Variants in LPP observed in about 807,000 individuals in gnomAD.
LPP encodes the protein lipoma-preferred partner.
Under a neutral mutation model 60.4 loss-of-function variants are expected in LPP, and 38 were observed. The observed-to-expected ratio is 0.63, with a 90% CI of 0.49 to 0.83. The LOEUF (loss-of-function observed/expected upper bound fraction) is 0.83. Among genes scored for constraint, LPP ranks in the 40% least tolerant of loss-of-function variants. The pLI is 0.00. For missense variants in LPP, 902 were observed against 783.6 expected, an observed-to-expected ratio of 1.15 and a Z score of -1.80; for synonymous variants, 328 against 290.8, an observed-to-expected ratio of 1.13 and a Z score of -1.30.
intron 1 of LPP, among the ~76,000 whole-genome samples, chr3:188,204,361 T>A (rs1732554901): frequency 6.6e-6 from 1 of 152,064 alleles, no homozygotes; most frequent in South Asian, 2.1e-4. Context: ...AGGAGTCAAC[T>A]GGGAAAATCT....
Position 188,193,989 on chromosome 3 carries a change from T to C in LPP, c.-189-31416T>C, listed in dbSNP as rs1182663356. Among the ~76,000 whole-genome samples the C allele has an allele frequency of 3.3e-5, 5 of 152,326 alleles. No homozygotes were observed. The East Asian group carries it at 9.6e-4, about 29-fold the overall frequency. The stretch of plus-strand genomic sequence containing the variant: ...TTAAGGCTCAGCTCTGCCACTGACA[T>C]GCTGTGTTACATGGGCAAGTCCCCA... On this transcript the variant is annotated intron_variant, in intron 1 of 11. Coordinates refer to ENST00000617246, the MANE Select transcript of LPP (RefSeq NM_001375462.1).
chr3:188,546,690 A>G (rs1164293641), intron 6 of LPP, among the ~76,000 whole-genome samples: 3 of 152,302 alleles, frequency 2.0e-5, no homozygotes, highest in Non-Finnish European at 2.9e-5. Flanking sequence ...AGGGGCATCT[A>G]TTCTCGTTCC....
At chr3:188,637,585 T>C (rs1560683703) in intron 7 of LPP, among the ~76,000 whole-genome samples, 1 of 151,274 alleles carries the variant, frequency 6.6e-6, no homozygotes, top group Non-Finnish European at 1.5e-5. Context: ...GCTGGTTTTT[T>C]GAAAGGATCA....
At chr3:188,795,026 T>A (rs1744924759) in intron 9 of LPP, among the ~76,000 whole-genome samples, 1 of 152,066 alleles carries the variant, frequency 6.6e-6, no homozygotes, top group African/African-American at 2.4e-5. Flanking sequence ...TCCCAGCTAC[T>A]CAGGAGGCTG....
intron 7 of LPP, among the ~76,000 whole-genome samples, chr3:188,651,670 G>T (rs1373203015): frequency 6.6e-6 from 1 of 152,154 alleles, no homozygotes; most frequent in Admixed American, 6.5e-5. Flanking sequence ...CAAGAGAAGA[G>T]AGCTTGTGCA....
chr3:188,574,822 T>C (rs2150896411), intron 6 of LPP, among the ~76,000 whole-genome samples: 1 of 152,138 alleles, frequency 6.6e-6, no homozygotes, highest in South Asian at 2.1e-4. Flanking sequence ...ATAAAGACAA[T>C]AAAAGTGATA....
intron 4 of LPP, among the ~76,000 whole-genome samples, chr3:188,444,993 G>T (rs1326122102): frequency 6.6e-6 from 1 of 152,228 alleles, no homozygotes; most frequent in Non-Finnish European, 1.5e-5. Context: ...AACAACAGAT[G>T]CTGGAGAGGA....
At chr3:188,555,126 CAG>C (rs1156843873) in intron 6 of LPP, among the ~76,000 whole-genome samples, 1 of 151,994 alleles carries the variant, frequency 6.6e-6, no homozygotes, top group Non-Finnish European at 1.5e-5. Flanking sequence ...ATGTTATAGA[CAG>C]AGGGAAGCAC....
Position 188,708,399 on chromosome 3 carries a change from T to G in LPP, c.1240+6T>G. ...ACCTGCTGACGAATACTTTGGTGAGTGGGGCCTAGAGCTGACTTCTGAAGT... is the reference window on the plus strand; with the variant it reads ...ACCTGCTGACGAATACTTTGGTGAGGGGGGCCTAGAGCTGACTTCTGAAGT... On this transcript the variant is annotated splice_donor_region_variant and intron_variant, in intron 8 of 11. Coordinates refer to ENST00000617246, the MANE Select transcript of LPP (RefSeq NM_001375462.1). The G allele has an allele frequency of 6.2e-7, 1 of 1,614,162 alleles. No individual in the cohort carries two copies. The highest frequency in any genetic ancestry group is 2.2e-5 in the East Asian group (1 of 44,882).
rs1216304166 is a variant in LPP, at chr3:188,570,779, A to G, written c.430-38382A>G. On this transcript the variant is annotated intron_variant, in intron 6 of 11. Coordinates refer to ENST00000617246, the MANE Select transcript of LPP (RefSeq NM_001375462.1). ...TCAACAGGAAAGCAATAGATCTAGT[A>G]GACGACATTGTATGGTGGGTGAAAG... Among the ~76,000 whole-genome samples, 8 of 152,074 alleles carry G rather than the reference A, an allele frequency of 5.3e-5. No homozygotes were observed. In the East Asian group the frequency reaches 1.6e-3, roughly 30 times the overall value.
intron 3 of LPP, among the ~76,000 whole-genome samples, chr3:188,389,718 G>A (rs1334317027): frequency 1.5e-5 from 2 of 135,098 alleles, no homozygotes; most frequent in Non-Finnish European, 3.1e-5. Flanking sequence ...AGAGGTTGCA[G>A]TGAGCCAAGA....
chr3:188,714,166 T>A (rs9815758), intron 8 of LPP, among the ~76,000 whole-genome samples: 2 of 152,050 alleles, frequency 1.3e-5, no homozygotes, highest in African/African-American at 4.8e-5. Context: ...ACTCTTCTGA[T>A]CTCATGTCTA....
rs1363019811 is a variant in LPP, at chr3:188,880,563, T to C, written c.*6084T>C. 1 of 188,384 alleles carries C rather than the reference T, an allele frequency of 5.3e-6. No homozygotes were observed. Among genetic ancestry groups the C allele is most frequent in the East Asian group, 8.5e-5 (1 of 11,804 alleles). 11.7% of individuals were successfully genotyped at this position (188,384 alleles called of 1,614,324 possible). ...ATTCCTTTATAATACTTTCAGATGA[T>C]TGCATTAAGCCTTTCATGTTATGTG... On this transcript the variant is annotated 3_prime_UTR_variant, in exon 12 of 12. Transcript: ENST00000617246.
chr3:188,602,891 C>A (rs1185835680), intron 6 of LPP, among the ~76,000 whole-genome samples: 1 of 151,842 alleles, frequency 6.6e-6, no homozygotes, highest in South Asian at 2.1e-4. Flanking sequence ...CAGTGCACAA[C>A]TCTTCAATTG....
At chr3:188,583,845 G>T (rs1021041619) in intron 6 of LPP, among the ~76,000 whole-genome samples, 1 of 152,132 alleles carries the variant, frequency 6.6e-6, no homozygotes, top group Non-Finnish European at 1.5e-5. Context: ...GAACCAGACT[G>T]CTTCTAGAGA....
At chr3:188,584,604 A>G (rs530562521) in intron 6 of LPP, 106 of 149,772 alleles carry the variant, frequency 7.1e-4, no homozygotes, top group African/African-American at 2.6e-3. Context: ...ACTTAATACA[A>G]TCTCAAGCCA....
At chr3:188,607,456 C>T (rs1467234801) in intron 6 of LPP, among the ~76,000 whole-genome samples, 7 of 143,396 alleles carry the variant, frequency 4.9e-5, no homozygotes, top group Non-Finnish European at 7.5e-5. Context: ...CCTTACATCA[C>T]GGGAGCTGGA....
intron 2 of LPP, among the ~76,000 whole-genome samples, chr3:188,238,704 T>G (rs1722769036): frequency 6.6e-6 from 1 of 152,262 alleles, no homozygotes; most frequent in Admixed American, 6.5e-5. Context: ...CCAAAATAAT[T>G]ATGATAGTCA....
intron 9 of LPP, among the ~76,000 whole-genome samples, chr3:188,856,280 G>A (rs573854467): frequency 5.3e-4 from 81 of 152,206 alleles, no homozygotes; most frequent in Non-Finnish European, 1.0e-3. Context: ...AAGATACATG[G>A]CAAGAAAAAT....
Sources: gnomAD v4.1 joint callset for allele counts (sites outside exome capture counted in the v4.1 genomes callset) on GRCh38, gnomAD v4.1.1 for gene constraint, MANE v1.5 for transcripts, NCBI Gene and HGNC (gene_info 2026-07-23, HGNC 2026-07-21) for gene names.